Variants in TLCD3A observed in about 807,000 individuals in gnomAD.
TLCD3A encodes the protein TLC domain containing 3A, also known as TLC domain-containing protein 3A.
A neutral mutation model predicts 29.9 loss-of-function variants in TLCD3A; 17 were observed. That is an observed-to-expected ratio of 0.57 (90% CI 0.39 to 0.85). TLCD3A has a LOEUF of 0.85. Among genes scored for constraint, TLCD3A ranks in the 40% least tolerant of loss-of-function variants. The pLI is 0.00. For missense variants in TLCD3A, 332 were observed against 350.8 expected (o/e 0.95, Z 0.43); for synonymous variants, 143 against 147.7 (o/e 0.97, Z 0.23).
chr17:737,888 C>T lies in TLCD3A; in HGVS notation c.249C>T (p.Tyr83=), dbSNP rs1348722940. The change falls in exon 3 of 5, where the codon TAC becomes TAT. Residue 83 remains tyrosine, a synonymous_variant. Coordinates refer to ENST00000308278, the MANE Select transcript of TLCD3A (RefSeq NM_024792.3). ...AREYVWFLIP[Y]MIYDSYAMYL... is the part of the protein sequence containing the mutation. ...AATATGTGTGGTTTCTGATTCCATA[C>T]ATGATCTATGACTCGTACGCCATGT... 1 of 1,614,166 alleles carries T rather than the reference C, an allele frequency of 6.2e-7. No individual in the cohort carries two copies. The highest frequency in any genetic ancestry group is 2.2e-5 in the East Asian group (1 of 44,874).
In TLCD3A at chr17:732,760, T is replaced by C; in HGVS notation, c.113T>C (p.Ile38Thr). The part of the protein sequence containing the change: ...PGWSRTDCVM[I>T]STRLVSSVHA... The stretch of plus-strand genomic sequence containing the variant: ...TGGAGCCGCACCGACTGCGTGATGA[T>C]CAGCACCAGGTACCGGCGCCGCCGA... Residue 38 changes from isoleucine to threonine, a missense_variant, in exon 1 of 5, where the codon ATC becomes ACC. Ile to Thr is a moderately conservative substitution (Grantham distance 89, BLOSUM62 -1). Transcript: ENST00000308278. The C allele has an allele frequency of 1.4e-6, 2 of 1,453,958 alleles. No individual in the cohort carries two copies. Among genetic ancestry groups the C allele is most frequent in the East Asian group, 3.0e-5 (1 of 32,966 alleles). 90.1% of individuals were successfully genotyped at this position (1,453,958 alleles called of 1,614,324 possible).
At chr17:735,986 CA>C (rs55943725) in intron 2 of TLCD3A, among the ~76,000 whole-genome samples, 64,033 of 107,188 alleles carry the variant, frequency 0.6, 17,636 homozygotes, top group African/African-American at 0.74. Context: ...AAACCAAAAC[CA>C]AAAAAAAAAA....
chr17:741,496 A>ATCTACTGGTTCTG lies in TLCD3A; in HGVS notation c.704_716dup (p.Cys241ValfsTer13). On this transcript the variant is annotated frameshift_variant, in exon 5 of 5. Transcript: ENST00000308278. LOFTEE classifies it high-confidence loss of function. ...CAATGCCTTCCTCGTAGCTCCTCAG[A>ATCTACTGGTTCTG]TCTACTGGTTCTGTCTGCTGTGCAG... 3 of 1,614,074 alleles carry ATCTACTGGTTCTG rather than the reference A, an allele frequency of 1.9e-6. No individual in the cohort carries two copies. Among genetic ancestry groups the ATCTACTGGTTCTG allele is most frequent in the Non-Finnish European group, 2.5e-6 (3 of 1,180,002 alleles).
At position 741,922 on chromosome 17, in the gene TLCD3A, G is replaced by GT; in HGVS notation, c.*353dup. ...AGTGTCTGCACATCTGCCTGTCCCT[G>GT]TATCAGCGGCTACCCACCTTCCAAA... On this transcript the variant is annotated 3_prime_UTR_variant, in exon 5 of 5. Transcript: ENST00000308278. 1 of 338,552 alleles carries GT rather than the reference G, an allele frequency of 3.0e-6. No homozygotes were observed. The highest frequency in any genetic ancestry group is 2.9e-5 in the South Asian group (1 of 34,442). The allele number at this position is 338,552 out of a possible 1,614,324, so 21.0% of individuals were successfully genotyped here.
intron 4 of TLCD3A, among the ~76,000 whole-genome samples, chr17:741,025 C>T (rs1443830585): frequency 1.3e-5 from 2 of 152,184 alleles, no homozygotes; most frequent in African/African-American, 4.8e-5. Context: ...ATCCACGGTT[C>T]CTGTACTCCT....
In TLCD3A at chr17:741,872, G is replaced by C; in HGVS notation, c.*302G>C. On this transcript the variant is annotated 3_prime_UTR_variant, in exon 5 of 5. Coordinates refer to ENST00000308278, the MANE Select transcript of TLCD3A (RefSeq NM_024792.3). ...GAGCTCTGGGAGGTGGAAGCATGGG[G>C]TGGGATCGGTGGACCAGGGTGGTAA... 2.4e-6 allele frequency: 1 copy of C among 423,460 alleles called. No individual in the cohort carries two copies. The highest frequency in any genetic ancestry group is 4.4e-6 in the Non-Finnish European group (1 of 229,748). 26.2% of individuals were successfully genotyped at this position (423,460 alleles called of 1,614,324 possible).
intron 3 of TLCD3A, among the ~76,000 whole-genome samples, chr17:739,173 G>A (rs896182644): frequency 1.4e-5 from 2 of 147,012 alleles, no homozygotes; most frequent in South Asian, 2.1e-4. Flanking sequence ...GAAGGCATGC[G>A]TTTTTTTTTT....
At position 741,903 on chromosome 17, in the gene TLCD3A, T is replaced by C. The variant is rs1054034766; in HGVS notation, c.*333T>C. 3.5e-5 allele frequency: 13 copies of C among 374,288 alleles called. No individual in the cohort carries two copies. The highest frequency in any genetic ancestry group is 8.3e-5 in the African/African-American group (4 of 47,912). The allele number at this position is 374,288 out of a possible 1,614,324, so 23.2% of individuals were successfully genotyped here. A position where few individuals can be genotyped will look rare whatever the true frequency, so the allele number is the denominator to read the frequency against. ...TCGGTGGACCAGGGTGGTAAGTGTCTGCACATCTGCCTGTCCCTGTATCAG... is the reference window on the plus strand; with the variant it reads ...TCGGTGGACCAGGGTGGTAAGTGTCCGCACATCTGCCTGTCCCTGTATCAG... On this transcript the variant is annotated 3_prime_UTR_variant, in exon 5 of 5. Coordinates refer to ENST00000308278, the MANE Select transcript of TLCD3A (RefSeq NM_024792.3).
At position 733,179 on chromosome 17, in the gene TLCD3A, C is replaced by A; in HGVS notation, c.204C>A (p.Gly68=). ...IIRSCDDVIT[G]RHWLAREYVW... The stretch of plus-strand genomic sequence containing the variant: ...GCTCCTGCGACGACGTGATCACCGG[C>A]AGGTAAGAGCCCGGGCCGGGGCCTT... The change falls in exon 2 of 5, where the codon GGC becomes GGA. Residue 68 remains glycine (G), a splice_region_variant and synonymous_variant. Coordinates refer to ENST00000308278, the MANE Select transcript of TLCD3A (RefSeq NM_024792.3). 1 of 1,555,152 alleles carries A rather than the reference C, an allele frequency of 6.4e-7. No individual in the cohort carries two copies.
intron 3 of TLCD3A, among the ~76,000 whole-genome samples, chr17:739,540 G>A (rs1754065111): frequency 6.6e-6 from 1 of 152,024 alleles, no homozygotes; most frequent in African/African-American, 2.4e-5. Flanking sequence ...GTCTCCTTAT[G>A]AGGCCCAGGC....
In TLCD3A at chr17:741,742, CA is replaced by C; in HGVS notation, c.*176del. On this transcript the variant is annotated 3_prime_UTR_variant, in exon 5 of 5. Coordinates refer to ENST00000308278, the MANE Select transcript of TLCD3A (RefSeq NM_024792.3). ...TCCTTCTTCTAACTTGCCCTATTTG[CA>C]AAAGCACTTTTGTAGTAACAACTAT... 4 of 811,650 alleles carry C rather than the reference CA, an allele frequency of 4.9e-6. No individual in the cohort carries two copies. The highest frequency in any genetic ancestry group is 2.9e-5 in the Admixed American group (1 of 34,662). The allele number at this position is 811,650 out of a possible 1,614,324, so 50.3% of individuals were successfully genotyped here. A position where few individuals can be genotyped will look rare whatever the true frequency, so the allele number is the denominator to read the frequency against.
chr17:741,383 T>TCCC lies in TLCD3A; in HGVS notation c.589_591dup (p.Pro197dup). 4.3e-6 allele frequency: 7 copies of TCCC among 1,614,182 alleles called. No homozygotes were observed. The highest frequency in any genetic ancestry group is 5.9e-6 in the Non-Finnish European group (7 of 1,180,034). On this transcript the variant is annotated inframe_insertion, in exon 5 of 5. Coordinates refer to ENST00000308278, the MANE Select transcript of TLCD3A (RefSeq NM_024792.3). ...TTCCTTTCCTGCCGGATCCTTCTCT[T>TCCC]CCCCTTCATGTACTGGTCCTATGGC...
chr17:733,519 C>T (rs1433357708), intron 2 of TLCD3A, among the ~76,000 whole-genome samples: 2 of 152,204 alleles, frequency 1.3e-5, no homozygotes, highest in African/African-American at 4.8e-5. Context: ...GCATCACTGG[C>T]TAACAGACGT....
Position 732,673 on chromosome 17 carries a change from C to T in TLCD3A, c.26C>T (p.Ala9Val). MLLTLAGGALFFPGLFALC... is the reference protein window; with the variant it reads MLLTLAGGVLFFPGLFALC... Reference sequence around the variant, plus strand: ...ATGCTGCTGACGCTGGCCGGGGGCGCGCTCTTCTTCCCGGGGCTCTTCGCG... The same window carrying T: ...ATGCTGCTGACGCTGGCCGGGGGCGTGCTCTTCTTCCCGGGGCTCTTCGCG... Residue 9 changes from alanine to valine, a missense_variant, in exon 1 of 5, where the codon GCG becomes GTG. Coordinates refer to ENST00000308278, the MANE Select transcript of TLCD3A (RefSeq NM_024792.3). The T allele has an allele frequency of 7.1e-7, 1 of 1,402,324 alleles. No homozygotes were observed. Among genetic ancestry groups the T allele is most frequent in the Non-Finnish European group, 9.3e-7 (1 of 1,074,942 alleles). The allele number at this position is 1,402,324 out of a possible 1,614,324, so 86.9% of individuals were successfully genotyped here.
At chr17:739,569 C>G (rs192896075) in intron 3 of TLCD3A, among the ~76,000 whole-genome samples, 49 of 152,348 alleles carry the variant, frequency 3.2e-4, no homozygotes, top group African/African-American at 1.2e-3. Flanking sequence ...AACTCCTGGG[C>G]TCAAGGGATC....
rs544331981 is a variant in TLCD3A at position 741,529 on chromosome 17, G to C, written c.733G>C (p.Val245Leu). The change falls in exon 5 of 5, where the codon GTC becomes CTC. Residue 245 changes from valine to leucine, a missense_variant. Physicochemically the swap from Val to Leu is conservative, Grantham distance 32 (BLOSUM62 1). Transcript: ENST00000308278. ...YWFCLLCRKAVRLFDTPQAKK... is the reference protein window; with the variant it reads ...YWFCLLCRKALRLFDTPQAKK... The stretch of plus-strand genomic sequence containing the variant: ...GTTCTGTCTGCTGTGCAGGAAGGCA[G>C]TCCGGCTCTTTGACACTCCCCAAGC... 5 of 1,614,050 alleles carry C rather than the reference G, an allele frequency of 3.1e-6. No homozygotes were observed. The South Asian group carries it at 4.4e-5, about 14-fold the overall frequency.
rs1974101351 is a variant in TLCD3A at position 733,118 on chromosome 17, C to G, written c.143C>G (p.Ala48Gly). 3 of 1,593,006 alleles carry G rather than the reference C, an allele frequency of 1.9e-6. No individual in the cohort carries two copies. Among genetic ancestry groups the G allele is most frequent in the Non-Finnish European group, 2.6e-6 (3 of 1,170,744 alleles). ...ISTRLVSSVH[A>G]VLATGSGIVI... ...GCTAGGCTGGTTTCCTCGGTGCACG[C>G]CGTGCTGGCCACCGGCTCGGGGATC... The change falls in exon 2 of 5, where the codon GCC becomes GGC. Residue 48 changes from alanine (A) to glycine (G), a missense_variant. Transcript: ENST00000308278.
In TLCD3A at chr17:736,252, G is replaced by A. The variant is rs555851263; in HGVS notation, c.207-1594G>A. Among the ~76,000 whole-genome samples the A allele has an allele frequency of 2.6e-5, 4 of 152,294 alleles. No homozygotes were observed. In the South Asian group the frequency reaches 8.3e-4, roughly 32 times the overall value. On this transcript the variant is annotated intron_variant, in intron 2 of 4. Transcript: ENST00000308278. Reference sequence around the variant, plus strand: ...TTACAATTTAGAATCTCTGGGGACTGGAGCGCTTAACAAGCACTGCAGGTG... The same window carrying A: ...TTACAATTTAGAATCTCTGGGGACTAGAGCGCTTAACAAGCACTGCAGGTG...
At position 742,563 on chromosome 17, in the gene TLCD3A, A is replaced by C. The variant is rs1974274987; in HGVS notation, c.*993A>C. 6.6e-6 allele frequency: 1 copy of C among 152,268 alleles called. No individual in the cohort carries two copies. The highest frequency in any genetic ancestry group is 1.5e-5 in the Non-Finnish European group (1 of 68,052). 9.4% of individuals were successfully genotyped at this position (152,268 alleles called of 1,614,324 possible). On this transcript the variant is annotated 3_prime_UTR_variant, in exon 5 of 5. Coordinates refer to ENST00000308278, the MANE Select transcript of TLCD3A (RefSeq NM_024792.3). Reference sequence around the variant, plus strand: ...CCGATATGCCAGAGCTTGTGGTCCAAAGCCCATTCCTGTGTGTCCGTCCTG... The same window carrying C: ...CCGATATGCCAGAGCTTGTGGTCCACAGCCCATTCCTGTGTGTCCGTCCTG...
Sources: gnomAD v4.1 joint callset for allele counts (sites outside exome capture counted in the v4.1 genomes callset) on GRCh38, gnomAD v4.1.1 for gene constraint, MANE v1.5 for transcripts, NCBI Gene and HGNC (gene_info 2026-07-23, HGNC 2026-07-21) for gene names.